Variants in TNRC6B observed in about 807,000 individuals in gnomAD.
TNRC6B encodes trinucleotide repeat-containing gene 6B protein.
TNRC6B carries 52 observed loss-of-function variants against 203.6 expected under a neutral mutation model. The observed-to-expected ratio is 0.26, with a 90% CI of 0.20 to 0.32. The LOEUF (loss-of-function observed/expected upper bound fraction) is 0.32, where lower values mean the gene tolerates loss of function less well. Among genes scored for constraint, TNRC6B ranks in the 10% least tolerant of loss-of-function variants. The probability of loss-of-function intolerance (pLI) is 1.00; values close to 1 mark genes in which losing one functional copy is unlikely to be tolerated. For synonymous variants in TNRC6B, 838 were observed against 845.7 expected, an observed-to-expected ratio of 0.99 and a Z score of 0.16; for missense variants, 1,923 against 2,286.2, an observed-to-expected ratio of 0.84 and a Z score of 3.24.
At chr22:40,081,426 G>A (rs5995810) in intron 1 of TNRC6B, among the ~76,000 whole-genome samples, 3 of 148,184 alleles carry the variant, frequency 2.0e-5, no homozygotes, top group African/African-American at 4.9e-5. Context: ...CCGCCCTTTC[G>A]TCTCATCAGA....
At chr22:40,187,148 G>A (rs562450757) in intron 1 of TNRC6B, among the ~76,000 whole-genome samples, 6 of 152,284 alleles carry the variant, frequency 3.9e-5, no homozygotes, top group Admixed American at 1.3e-4. Flanking sequence ...CAGTAGCCAC[G>A]TGCGGCTACT....
chr22:40,246,855 A>G (rs1046801381), intron 2 of TNRC6B, among the ~76,000 whole-genome samples: 7 of 152,144 alleles, frequency 4.6e-5, no homozygotes, highest in African/African-American at 1.7e-4. Flanking sequence ...CCCTCTCGGA[A>G]AGGATCTAGT....
intron 1 of TNRC6B, among the ~76,000 whole-genome samples, chr22:40,225,716 C>T (rs1447718241): frequency 7.6e-6 from 1 of 131,806 alleles, no homozygotes; most frequent in Non-Finnish European, 1.6e-5. Flanking sequence ...CCACTCCAGC[C>T]TGAGCGACAG....
At chr22:40,170,729 A>G (rs552406054) in intron 4 of TNRC6B, among the ~76,000 whole-genome samples, 12 of 137,384 alleles carry the variant, frequency 8.7e-5, no homozygotes, top group South Asian at 6.7e-4. Flanking sequence ...ATACATATAT[A>G]GGTGTATATA....
intron 3 of TNRC6B, among the ~76,000 whole-genome samples, chr22:40,260,255 C>G (rs770991056): frequency 6.7e-6 from 1 of 149,634 alleles, no homozygotes; most frequent in Non-Finnish European, 1.5e-5. Flanking sequence ...CTAGTATTTA[C>G]ACAGAGAGCG....
Position 40,331,727 on chromosome 22 carries a change from TG to T in TNRC6B, c.*8487del. On this transcript the variant is annotated 3_prime_UTR_variant, in exon 23 of 23. Coordinates refer to ENST00000454349, the MANE Select transcript of TNRC6B (RefSeq NM_001162501.2). ...CGCTTCTTTATGTTGTAAGGTGAAT[TG>T]TAACTATGCATTCTGCAAAGGGGGT... The T allele has an allele frequency of 2.6e-6, 1 of 384,222 alleles. No homozygotes were observed. 23.8% of individuals were successfully genotyped at this position (384,222 alleles called of 1,614,324 possible).
Position 40,222,728 on chromosome 22 carries a change from C to CTTTTTTTTTTTTTTTTTTTTTTTT in TNRC6B, c.6-23277_6-23254dup, listed in dbSNP as rs61374373. Among the ~76,000 whole-genome samples, 7 of 40,214 alleles carry CTTTTTTTTTTTTTTTTTTTTTTTT rather than the reference C, an allele frequency of 1.7e-4. 3 individuals carry two copies. The highest frequency in any genetic ancestry group is 1.9e-3 in the East Asian group (2 of 1,068). The allele number at this position is 40,214 out of a possible 152,430, so 26.4% of individuals were successfully genotyped here. A position where few individuals can be genotyped will look rare whatever the true frequency, so the allele number is the denominator to read the frequency against. ...ATCTTGCTGTATTCTCTCTCTCTCT[C>CTTTTTTTTTTTTTTTTTTTTTTTT]TTTTTTTTTTTTTTTTTTTTTTTTT... On this transcript the variant is annotated intron_variant, in intron 1 of 22. Transcript: ENST00000454349.
Position 40,315,493 on chromosome 22 carries a change from C to T in TNRC6B, c.4889C>T (p.Ser1630Leu), listed in dbSNP as rs755093259. The T allele has an allele frequency of 6.2e-7, 1 of 1,614,020 alleles. No homozygotes were observed. Among genetic ancestry groups the T allele is most frequent in the Non-Finnish European group, 8.5e-7 (1 of 1,179,890 alleles). Residue 1630 changes from serine to leucine, a missense_variant, in exon 20 of 23, where the codon TCA (serine) becomes TTA (leucine). By Grantham distance (145) the Ser-to-Leu change is moderately radical. This residue lies in a region of TNRC6B where 159 missense variants were observed against 181.0 expected (regional missense o/e 0.88). Coordinates refer to ENST00000454349, the MANE Select transcript of TNRC6B (RefSeq NM_001162501.2). ...GTCAGGGGGTGGGGGACACAGGACTCACGGCTCGCCTCGGGTGAGGAGGAT... is the reference window on the plus strand; with the variant it reads ...GTCAGGGGGTGGGGGACACAGGACTTACGGCTCGCCTCGGGTGAGGAGGAT... ...RSVRGWGTQDSRLASASTWSD... is the reference protein window; with the variant it reads ...RSVRGWGTQDLRLASASTWSD...
At chr22:40,309,898 A>G (rs1023650948) in intron 16 of TNRC6B, among the ~76,000 whole-genome samples, 3 of 152,178 alleles carry the variant, frequency 2.0e-5, no homozygotes, top group Non-Finnish European at 2.9e-5. Context: ...GGTAGTTTTG[A>G]TAATATTCCC....
chr22:40,330,950 C>T lies in TNRC6B; in HGVS notation c.*7709C>T, dbSNP rs1601530426. The T allele has an allele frequency of 6.6e-6, 1 of 152,668 alleles. No homozygotes were observed. Among genetic ancestry groups the T allele is most frequent in the African/African-American group, 2.4e-5 (1 of 41,446 alleles). 9.5% of individuals were successfully genotyped at this position (152,668 alleles called of 1,614,324 possible). Reference sequence around the variant, plus strand: ...AAGGTACCCAGGCGACGCAGACCCACGTTAGTCCAAGAGCGCAGGTTTACA... The same window carrying T: ...AAGGTACCCAGGCGACGCAGACCCATGTTAGTCCAAGAGCGCAGGTTTACA... On this transcript the variant is annotated 3_prime_UTR_variant, in exon 23 of 23. Transcript: ENST00000454349.
Position 40,286,528 on chromosome 22 carries a change from G to T in TNRC6B, c.3708+758G>T, listed in dbSNP as rs572132114. Among the ~76,000 whole-genome samples, 3 of 152,120 alleles carry T rather than the reference G, an allele frequency of 2.0e-5. No individual in the cohort carries two copies. The East Asian group carries it at 5.8e-4, about 29-fold the overall frequency. On this transcript the variant is annotated intron_variant, in intron 12 of 22. Coordinates refer to ENST00000454349, the MANE Select transcript of TNRC6B (RefSeq NM_001162501.2). ...TTTCAAAAAAAAAAATAGAAAATGA[G>T]AATTGCCAGATTCTGGATTATTCTG...
At chr22:40,088,503 C>T (rs575169545) in intron 1 of TNRC6B, among the ~76,000 whole-genome samples, 8 of 151,852 alleles carry the variant, frequency 5.3e-5, no homozygotes, top group Non-Finnish European at 8.8e-5. Flanking sequence ...CCTCCGCCTC[C>T]TAGATTCCAG....
In TNRC6B at chr22:40,266,757, C is replaced by T; in HGVS notation, c.2527C>T (p.Pro843Ser). 6.2e-7 allele frequency: 1 copy of T among 1,613,470 alleles called. No homozygotes were observed. The highest frequency in any genetic ancestry group is 8.5e-7 in the Non-Finnish European group (1 of 1,179,660). Residue 843 changes from proline to serine, a missense_variant, in exon 5 of 23, where the codon CCA becomes TCA. Around this residue, in one of 8 missense-constraint regions of TNRC6B, gnomAD observed 599 missense variants for 656.5 expected, o/e 0.91. Transcript: ENST00000454349. ...QPEASGSWGGPPPPPPGNVRP... is the reference protein window; with the variant it reads ...QPEASGSWGGSPPPPPGNVRP... Reference sequence around the variant, plus strand: ...AGAGGCTTCTGGTTCGTGGGGAGGCCCACCCCCACCACCTCCAGGCAACGT... The same window carrying T: ...AGAGGCTTCTGGTTCGTGGGGAGGCTCACCCCCACCACCTCCAGGCAACGT...
At chr22:40,139,579 G>A (rs1418974393) in intron 3 of TNRC6B, among the ~76,000 whole-genome samples, 1 of 152,154 alleles carries the variant, frequency 6.6e-6, no homozygotes, top group Non-Finnish European at 1.5e-5. Context: ...TGATCCTCCT[G>A]CCTTGGCCTC....
chr22:40,106,748 C>T (rs2068286767), intron 1 of TNRC6B: 1 of 777,654 alleles, frequency 1.3e-6, no homozygotes, highest in South Asian at 1.3e-5. Flanking sequence ...CAACACCTTT[C>T]GGACCTTTGG....
intron 1 of TNRC6B, among the ~76,000 whole-genome samples, chr22:40,079,899 C>T (rs879853871): frequency 2.2e-4 from 33 of 152,194 alleles, no homozygotes; most frequent in African/African-American, 7.5e-4. Flanking sequence ...GGCTTCATGC[C>T]ATTCTCCTGC....
At chr22:40,096,655 T>C (rs2068188040) in intron 1 of TNRC6B, among the ~76,000 whole-genome samples, 1 of 152,186 alleles carries the variant, frequency 6.6e-6, no homozygotes, top group Non-Finnish European at 1.5e-5. Context: ...CCTAAACAAC[T>C]GTAATTTTTA....
In TNRC6B at chr22:40,285,784, C is replaced by A; in HGVS notation, c.3708+14C>A. The A allele has an allele frequency of 6.2e-7, 1 of 1,611,362 alleles. No homozygotes were observed. Among genetic ancestry groups the A allele is most frequent in the Middle Eastern group, 1.7e-4 (1 of 6,048 alleles). On this transcript the variant is annotated intron_variant, in intron 12 of 22. Transcript: ENST00000454349. ...ATTTCCCCCCAGGTAAGCAATTTTA[C>A]GTTCCTGTGATTCAAAATGAAAGAC...
rs2071009325 is a variant in TNRC6B at position 40,300,557 on chromosome 22, C to T, written c.3811C>T (p.Gln1271Ter). 1 of 1,612,976 alleles carries T rather than the reference C, an allele frequency of 6.2e-7. No individual in the cohort carries two copies. The change falls in exon 13 of 23, where the codon CAG becomes TAG. Residue 1271 changes from glutamine to a stop codon, truncating the protein, a stop_gained. Transcript: ENST00000454349. LOFTEE classifies it high-confidence loss of function. ...LSPQQIAMLSQLPQIPQFQLA... is the reference protein window; with the variant it reads ...LSPQQIAMLS ...TCCTCAACAAATTGCCATGCTGAGC[C>T]AGCTTCCACAAATTCCCCAGTTTCA...
Sources: gnomAD v4.1 joint callset for allele counts (sites outside exome capture counted in the v4.1 genomes callset) on GRCh38, gnomAD v4.1.1 for gene constraint, gnomAD v4.1.1 regional missense constraint, MANE v1.5 for transcripts, NCBI Gene and HGNC (gene_info 2026-07-23, HGNC 2026-07-21) for gene names.